The following CHTF18 variants were observed in gnomAD, a reference collection of about 807,000 sequenced individuals.
The protein encoded by CHTF18 is chromosome transmission fidelity protein 18 homolog.
CHTF18 carries 151 observed loss-of-function variants against 113.4 expected under a neutral mutation model. The observed-to-expected ratio is 1.33, with a 90% confidence interval of 1.17 to 1.52. The LOEUF is 1.52. CHTF18 is among the 40% of genes most tolerant of loss of function. CHTF18 has a pLI of 0.00. For missense variants in CHTF18, 1,982 were observed against 1,381.6 expected, an observed-to-expected ratio of 1.43 and a Z score of -6.89; for synonymous variants, 916 against 598.8, an observed-to-expected ratio of 1.53 and a Z score of -7.74.
Position 791,833 on chromosome 16 carries a change from C to T in CHTF18, c.1105-18C>T, listed in dbSNP as rs775475063. On this transcript the variant is annotated intron_variant, in intron 8 of 21. Coordinates refer to ENST00000262315, the MANE Select transcript of CHTF18 (RefSeq NM_022092.3). ...GTAGGTGCGGTGCACACTACGCCTT[C>T]ATCTACCTGGGCTGCAGGTGGCACT... 14 of 1,588,984 alleles carry T rather than the reference C, an allele frequency of 8.8e-6. No homozygotes were observed. The highest frequency in any genetic ancestry group is 1.2e-5 in the Non-Finnish European group (14 of 1,168,924).
At chr16:789,808 C>G in intron 4 of CHTF18, 93 bp downstream of exon 4, 1 of 1,423,386 alleles carries the variant, frequency 7.0e-7, no homozygotes, top group Non-Finnish European at 9.3e-7. Context: ...TTGCTTAAAG[C>G]GGGTCCTGTG....
At chr16:793,114 C>T (rs2042246680) in intron 13 of CHTF18, 30 bp from the exon 14 acceptor site, 4 of 1,573,710 alleles carry the variant, frequency 2.5e-6, no homozygotes, top group East Asian at 2.3e-5. Flanking sequence ...CAGGAGTTGG[C>T]CGCTTCTCAT....
chr16:796,601 C>G, intron 18 of CHTF18, 116 bp from the exon 19 acceptor site: 1 of 1,269,064 alleles, frequency 7.9e-7, no homozygotes, highest in Non-Finnish European at 1.1e-6. Flanking sequence ...GGACTCAGCC[C>G]CACATTCCTG....
rs1442671542 is a variant in CHTF18, at chr16:788,701, A to G, written c.17A>G (p.Gln6Arg). The change falls in exon 1 of 22, where the codon CAG becomes CGG. Residue 6 changes from glutamine to arginine, a missense_variant. By Grantham distance (43) the Gln-to-Arg change is conservative. Coordinates refer to ENST00000262315, the MANE Select transcript of CHTF18 (RefSeq NM_022092.3). The part of the protein sequence containing the change: MEDYE[Q>R]ELCGVEDDFH... ...GCGGACGGTATGGAGGACTACGAGC[A>G]GGAGCTGTGCGGCGTCGAGGATGAT... 1.3e-6 allele frequency: 2 copies of G among 1,598,132 alleles called. No individual in the cohort carries two copies. The highest frequency in any genetic ancestry group is 1.4e-5 in the African/African-American group (1 of 73,722).
In CHTF18 at chr16:789,304, G is replaced by A. The variant is rs184555764; in HGVS notation, c.381G>A (p.Pro127=). Reference sequence around the variant, plus strand: ...AGCCGCCCCCTCCCGACTCCTCGCCGACGGACATCACCCCGCCGCCGAGCC... The same window carrying A: ...AGCCGCCCCCTCCCGACTCCTCGCCAACGGACATCACCCCGCCGCCGAGCC... ...MEEPPPPDSS[P]TDITPPPSPE... is the part of the protein sequence containing the mutation. The change falls in exon 3 of 22, where the codon CCG becomes CCA. Residue 127 remains proline (P), a synonymous_variant. Transcript: ENST00000262315. The A allele has an allele frequency of 1.3e-3, 2,140 of 1,598,608 alleles. 36 individuals are homozygous for A. In the African/African-American group the frequency reaches 0.025, roughly 19 times the overall value.
At chr16:790,868 G>A (rs1425622882) in intron 7 of CHTF18, 3 of 1,431,258 alleles carry the variant, frequency 2.1e-6, no homozygotes, top group African/African-American at 1.4e-5. Context: ...GGCAGGCTAG[G>A]GGTCCAGGGT....
In CHTF18 at chr16:789,390, C is replaced by T. The variant is rs749185439; in HGVS notation, c.437+30C>T. On this transcript the variant is annotated intron_variant, in intron 3 of 21. Coordinates refer to ENST00000262315, the MANE Select transcript of CHTF18 (RefSeq NM_022092.3). ...GTGGCTTGGACATGGGCGTCCCATC[C>T]CATCTGTCCAGTGGGACTCAGATGG... is the stretch of plus-strand genomic sequence containing the variant. 6.4e-6 allele frequency: 10 copies of T among 1,555,338 alleles called. No individual in the cohort carries two copies. In the African/African-American group the frequency reaches 8.2e-5, roughly 13 times the overall value.
At chr16:793,833 C>G (rs1567401189) in intron 14 of CHTF18, 1 of 638,094 alleles carries the variant, frequency 1.6e-6, no homozygotes, top group Middle Eastern at 3.6e-4. Flanking sequence ...CAGGGCAGGG[C>G]TCCTCTCAGA....
chr16:797,776 TGTG>T (rs771116229), intron 21 of CHTF18, 25 bp downstream of exon 21: 11 of 974,410 alleles, frequency 1.1e-5, no homozygotes, highest in Non-Finnish European at 1.6e-5. Context: ...GTTGTGGGGT[TGTG>T]GGGGGCCTGG....
chr16:790,767 G>T, intron 7 of CHTF18, 101 bp downstream of exon 7: 1 of 1,441,634 alleles, frequency 6.9e-7, no homozygotes, highest in Non-Finnish European at 9.1e-7. Context: ...ACTGGGCCTC[G>T]GAGACGGAGT....
In CHTF18 at chr16:789,359, G is replaced by C; in HGVS notation, c.436G>C (p.Gly146Arg). Residue 146 changes from glycine (G) to arginine (R), a missense_variant and splice_region_variant, in exon 3 of 22, where the codon GGA (glycine) becomes CGA (arginine). Transcript: ENST00000262315. ...PEDLAELWGHGVSEAAADVGL... is the reference protein window; with the variant it reads ...PEDLAELWGHRVSEAAADVGL... Reference sequence around the variant, plus strand: ...GGACCTCGCAGAGCTTTGGGGCCACGGGTGTGTGGCTTGGACATGGGCGTC... The same window carrying C: ...GGACCTCGCAGAGCTTTGGGGCCACCGGTGTGTGGCTTGGACATGGGCGTC... 1 of 1,584,830 alleles carries C rather than the reference G, an allele frequency of 6.3e-7. No homozygotes were observed. The highest frequency in any genetic ancestry group is 1.2e-5 in the South Asian group (1 of 85,982).
intron 20 of CHTF18, 139 bp downstream of exon 20, chr16:797,231 A>C: frequency 1.1e-6 from 1 of 950,966 alleles, no homozygotes; most frequent in South Asian, 2.4e-5. Flanking sequence ...GCCCCTCATG[A>C]GGCAGGGCCA....
chr16:797,132 T>TA, intron 20 of CHTF18, 40 bp downstream of exon 20: 1 of 1,481,112 alleles, frequency 6.8e-7, no homozygotes, highest in Non-Finnish European at 8.9e-7. Flanking sequence ...CCAGGGTACA[T>TA]ACCTTTGGGG....
chr16:792,898 T>C (rs1339636069), intron 12 of CHTF18, 68 bp from the exon 13 acceptor site: 4 of 1,533,196 alleles, frequency 2.6e-6, no homozygotes, highest in Non-Finnish European at 3.5e-6. Context: ...CCCCTCCCCA[T>C]GGAACCCTGG....
intron 12 of CHTF18, 76 bp from the exon 13 acceptor site, chr16:792,890 C>T (rs2042238629): frequency 4.6e-6 from 7 of 1,529,932 alleles, no homozygotes; most frequent in South Asian, 3.6e-5. Flanking sequence ...TTTCCCTGCC[C>T]CTCCCCATGG....
In CHTF18 at chr16:789,654, C is replaced by A; in HGVS notation, c.545C>A (p.Ser182Tyr). The A allele has an allele frequency of 6.2e-7, 1 of 1,605,380 alleles. No individual in the cohort carries two copies. The highest frequency in any genetic ancestry group is 8.5e-7 in the Non-Finnish European group (1 of 1,179,686). Residue 182 changes from serine to tyrosine, a missense_variant, in exon 4 of 22, where the codon TCC becomes TAC. By Grantham distance (144) the Ser-to-Tyr change is moderately radical. Coordinates refer to ENST00000262315, the MANE Select transcript of CHTF18 (RefSeq NM_022092.3). ...PILEDYVHVT[S>Y]TEGVRAYLVL... ...TTGGAGGACTACGTCCACGTGACAT[C>A]CACGGAGGGCGTCCGGGCTTATCTG... is the stretch of plus-strand genomic sequence containing the variant.
rs1452104915 is a variant in CHTF18, at chr16:789,197, G to GT, written c.287-12dup. Reference sequence around the variant, plus strand: ...TGAGGAGGCCTCTGGTTCCCTGCATGTGTCTCCCCCAGCCCCCAGGATCAA... The same window carrying GT: ...TGAGGAGGCCTCTGGTTCCCTGCATGTTGTCTCCCCCAGCCCCCAGGATCAA... On this transcript the variant is annotated splice_polypyrimidine_tract_variant and intron_variant, in intron 2 of 21. Transcript: ENST00000262315. The GT allele has an allele frequency of 1.3e-6, 2 of 1,550,628 alleles. No homozygotes were observed. The highest frequency in any genetic ancestry group is 4.9e-5 in the East Asian group (2 of 40,926).
chr16:796,496 G>T, intron 18 of CHTF18: 1 of 603,946 alleles, frequency 1.7e-6, no homozygotes, highest in Non-Finnish European at 2.8e-6. Context: ...CCATCGGCAG[G>T]TTTCATCATC....
At chr16:791,766 G>C in intron 8 of CHTF18, 85 bp from the exon 9 acceptor site, 1 of 1,507,974 alleles carries the variant, frequency 6.6e-7, no homozygotes. Flanking sequence ...CAGCCTGTGG[G>C]ACACATGTGG....
Sources: allele counts gnomAD v4.1 joint callset, GRCh38; gene constraint gnomAD v4.1.1; transcripts MANE v1.5; gene names NCBI Gene and HGNC (gene_info 2026-07-23, HGNC 2026-07-21).